Variants in MROH1 observed in about 807,000 individuals in gnomAD.
The protein encoded by MROH1 is maestro heat like repeat family member 1.
A neutral mutation model predicts 116.5 loss-of-function variants in MROH1; 117 were observed. The ratio of observed to expected loss-of-function variants is 1.00; its 90% CI spans 0.86 to 1.17. The LOEUF (loss-of-function observed/expected upper bound fraction) is 1.17, where lower values mean the gene tolerates loss of function less well. Ranked by LOEUF, MROH1 falls within the 50% of genes most tolerant of loss-of-function variation. MROH1 has a pLI of 0.00. For synonymous variants in MROH1, 921 were observed against 583.9 expected (o/e 1.58, Z -8.32); for missense variants, 1,873 against 1,338.5 (o/e 1.40, Z -6.23).
intron 4 of MROH1, 78 bp downstream of exon 4, chr8:144,168,518 T>C (rs1208651249): frequency 6.6e-7 from 1 of 1,513,784 alleles, no homozygotes; most frequent in Non-Finnish European, 8.9e-7. Flanking sequence ...GAAGAGACAG[T>C]CCAGCCAGGA....
In MROH1 at chr8:144,200,453, G is replaced by A. The variant is rs1312964437; in HGVS notation, c.1053G>A (p.Leu351=). 6.4e-7 allele frequency: 1 copy of A among 1,550,934 alleles called. No individual in the cohort carries two copies. Among genetic ancestry groups the A allele is most frequent in the Non-Finnish European group, 8.7e-7 (1 of 1,147,282 alleles). Residue 351 remains leucine, a synonymous_variant, in exon 12 of 44, where the codon CTG becomes CTA. Coordinates refer to ENST00000326134, the MANE Select transcript of MROH1 (RefSeq NM_032450.3). ...VLACSSPDRL[L]AFLLPRLDTS... is the part of the protein sequence containing the mutation. ...CCTGCAGCTCGCCTGACCGCCTACT[G>A]GCCTTCCTGCTGCCCAGGCTGGACA...
chr8:144,228,013 T>C (rs1838132266), intron 14 of MROH1, among the ~76,000 whole-genome samples: 1 of 151,062 alleles, frequency 6.6e-6, no homozygotes, highest in Non-Finnish European at 1.5e-5. Context: ...AGGAAAATCG[T>C]TTAAGGCCAG....
At chr8:144,186,095 A>G (rs983010637) in intron 7 of MROH1, among the ~76,000 whole-genome samples, 1 of 150,790 alleles carries the variant, frequency 6.6e-6, no homozygotes, top group Non-Finnish European at 1.5e-5. Context: ...ACCCCGGGGA[A>G]ATGAAGCAAA....
Position 144,261,056 on chromosome 8 carries a change from CAGGCGGGGCGTGGTGGGTG to C in MROH1, c.4671+16_4671+34del. ...GCAAGCACCTGGTGAGGGGTGGGGC[CAGGCGGGGCGTGGTGGGTG>C]GGGCGGGGCCAGGCGGCACTGACCA... is the stretch of plus-strand genomic sequence containing the variant. On this transcript the variant is annotated intron_variant, in intron 41 of 43. Transcript: ENST00000326134. 5.2e-6 allele frequency: 2 copies of C among 384,406 alleles called. No individual in the cohort carries two copies. The allele number at this position is 384,406 out of a possible 1,614,324, so 23.8% of individuals were successfully genotyped here.
intron 2 of MROH1, among the ~76,000 whole-genome samples, chr8:144,161,713 G>C (rs1819576447): frequency 6.6e-6 from 1 of 152,252 alleles, no homozygotes; most frequent in Non-Finnish European, 1.5e-5. Flanking sequence ...CATTTGTTTT[G>C]TTAGCTCCTG....
At position 144,196,927 on chromosome 8, in the gene MROH1, C is replaced by G. The variant is rs974931657; in HGVS notation, c.949-2195C>G. Among the ~76,000 whole-genome samples the G allele has an allele frequency of 1.1e-4, 17 of 151,826 alleles. No homozygotes were observed. In the South Asian group the frequency reaches 2.7e-3, roughly 24 times the overall value. On this transcript the variant is annotated intron_variant, in intron 10 of 43. Transcript: ENST00000326134. ...TGACCAACATGGTGAAACCCTGTCTCTACCAAAAATACAAATATTAGCCAG... is the reference window on the plus strand; with the variant it reads ...TGACCAACATGGTGAAACCCTGTCTGTACCAAAAATACAAATATTAGCCAG...
At chr8:144,170,815 G>A (rs1342957631) in intron 4 of MROH1, among the ~76,000 whole-genome samples, 2 of 152,246 alleles carry the variant, frequency 1.3e-5, no homozygotes, top group African/African-American at 4.8e-5. Context: ...GACACATCCA[G>A]TCTTGTACAC....
intron 10 of MROH1, among the ~76,000 whole-genome samples, chr8:144,194,501 C>A (rs553595658): frequency 6.6e-6 from 1 of 152,338 alleles, no homozygotes; most frequent in South Asian, 2.1e-4. Flanking sequence ...AAGGACCTGC[C>A]TCTCAATGCG....
At position 144,180,058 on chromosome 8, in the gene MROH1, C is replaced by T; in HGVS notation, c.301-120C>T. 1 of 1,303,962 alleles carries T rather than the reference C, an allele frequency of 7.7e-7. No homozygotes were observed. The highest frequency in any genetic ancestry group is 1.1e-6 in the Non-Finnish European group (1 of 926,246). 80.8% of individuals were successfully genotyped at this position (1,303,962 alleles called of 1,614,324 possible). On this transcript the variant is annotated intron_variant, in intron 5 of 43. Transcript: ENST00000326134. This position sits in a 1 kb window ranked among gnomAD's most constrained non-coding sequence, Gnocchi z 7.4. ...AGAGGAGGCTGTGCCCGCCACCTTCCCTGACCTGCACTTTCTGGGGACGCT... is the reference window on the plus strand; with the variant it reads ...AGAGGAGGCTGTGCCCGCCACCTTCTCTGACCTGCACTTTCTGGGGACGCT...
chr8:144,220,646 G>C lies in MROH1; in HGVS notation c.1188G>C (p.Arg396Ser), dbSNP rs1564508079. The C allele has an allele frequency of 1.4e-5, 22 of 1,578,450 alleles. No homozygotes were observed. Among genetic ancestry groups the C allele is most frequent in the Non-Finnish European group, 1.9e-5 (22 of 1,162,286 alleles). ...DKKPFILSSM[R>S]LPLLDTNSKV... ...AGCCCTTTATCCTGTCTTCCATGAG[G>C]CTTCCTCTCCTGGACACCAACAGCA... The change falls in exon 13 of 44, where the codon AGG becomes AGC. Residue 396 changes from arginine (R) to serine (S), a missense_variant. Transcript: ENST00000326134.
Position 144,187,879 on chromosome 8 carries a change from G to A in MROH1, c.563-2905G>A, listed in dbSNP as rs181583374. 3.4e-3 allele frequency among the ~76,000 whole-genome samples: 513 copies of A among 152,294 alleles called. 3 individuals carry two copies. Among genetic ancestry groups the A allele is most frequent in the Non-Finnish European group, 3.1e-3 (212 of 68,012 alleles). ...GTCAGAGGGAGGCTTTATGGGGACC[G>A]ATGGCTACACGGGAGCCAGGTGGGG... On this transcript the variant is annotated intron_variant, in intron 7 of 43. Transcript: ENST00000326134.
Position 144,179,523 on chromosome 8 carries a change from G to A in MROH1, c.237G>A (p.Glu79=), listed in dbSNP as rs752142062. ...MERVLSSRAS[E]LDKDTASTII... ...GGGTCCTGAGCAGTCGCGCCAGTGAGCTGGACAAGGACACAGCCAGCACCA... is the reference window on the plus strand; with the variant it reads ...GGGTCCTGAGCAGTCGCGCCAGTGAACTGGACAAGGACACAGCCAGCACCA... Residue 79 remains glutamate, a synonymous_variant, in exon 5 of 44, where the codon GAG becomes GAA. Transcript: ENST00000326134. 8 of 1,613,584 alleles carry A rather than the reference G, an allele frequency of 5.0e-6. No homozygotes were observed. In the South Asian group the frequency reaches 6.6e-5, roughly 13 times the overall value.
chr8:144,209,913 A>C (rs1369446794), intron 12 of MROH1, among the ~76,000 whole-genome samples: 1 of 151,528 alleles, frequency 6.6e-6, no homozygotes, highest in Non-Finnish European at 1.5e-5. Flanking sequence ...CTCAAAAAAA[A>C]AAAAAAAAGG....
At chr8:144,225,259 G>A (rs1196066852) in intron 14 of MROH1, among the ~76,000 whole-genome samples, 5 of 152,248 alleles carry the variant, frequency 3.3e-5, no homozygotes, top group African/African-American at 9.6e-5. Flanking sequence ...AGAATTTTGA[G>A]AGATCTTTCT....
intron 13 of MROH1, 88 bp from the exon 14 acceptor site, chr8:144,223,020 G>A: frequency 6.4e-7 from 1 of 1,564,026 alleles, no homozygotes; most frequent in East Asian, 2.3e-5. Context: ...ATGTGGGTGG[G>A]AGGAAGACTG....
At chr8:144,202,521 G>A (rs1831467091) in intron 12 of MROH1, among the ~76,000 whole-genome samples, 1 of 147,782 alleles carries the variant, frequency 6.8e-6, no homozygotes, top group Non-Finnish European at 1.5e-5. Context: ...GCTCTCTGTG[G>A]AGGGGTTGGG....
At chr8:144,227,682 GCTCACAC>G (rs1421652582) in intron 14 of MROH1, among the ~76,000 whole-genome samples, 2 of 151,872 alleles carry the variant, frequency 1.3e-5, no homozygotes, top group African/African-American at 2.4e-5. Context: ...CAGCGCAGTG[GCTCACAC>G]CTGTAATCCC....
At chr8:144,242,834 GTC>G (rs1841242039) in intron 24 of MROH1, among the ~76,000 whole-genome samples, 1 of 152,186 alleles carries the variant, frequency 6.6e-6, no homozygotes, top group East Asian at 1.9e-4. Flanking sequence ...GAAGGGAGGC[GTC>G]TGCGCCTCCG....
At chr8:144,244,857 C>T (rs1352768389) in intron 28 of MROH1, among the ~76,000 whole-genome samples, 1 of 152,216 alleles carries the variant, frequency 6.6e-6, no homozygotes, top group Non-Finnish European at 1.5e-5. Flanking sequence ...GGCCGACCCC[C>T]ATGCTCGGAG....
Sources: gnomAD v4.1 joint callset for allele counts (sites outside exome capture counted in the v4.1 genomes callset) on GRCh38, gnomAD v4.1.1 for gene constraint, Gnocchi (gnomAD v3.1) non-coding constraint, MANE v1.5 for transcripts, NCBI Gene and HGNC (gene_info 2026-07-23, HGNC 2026-07-21) for gene names.